The following CEP128 variants were observed in gnomAD, a reference collection of about 807,000 sequenced individuals.
The protein encoded by CEP128 is centrosomal protein 128kDa.
In CEP128, 132 loss-of-function variants were observed where a neutral mutation model predicts 156.7. The ratio of observed to expected loss-of-function variants is 0.84; its 90% CI spans 0.73 to 0.97. The LOEUF is 0.97. Ranked by LOEUF, CEP128 falls within the 50% of genes least tolerant of loss-of-function variation. The probability of loss-of-function intolerance (pLI) is 0.00; values close to 1 mark genes in which losing one functional copy is unlikely to be tolerated. For synonymous variants in CEP128, 469 were observed against 448.9 expected, an observed-to-expected ratio of 1.04 and a Z score of -0.57; for missense variants, 1,252 against 1,281.9, an observed-to-expected ratio of 0.98 and a Z score of 0.36.
At chr14:80,680,351 C>A (rs1007720948) in intron 19 of CEP128, among the ~76,000 whole-genome samples, 1 of 152,082 alleles carries the variant, frequency 6.6e-6, no homozygotes, top group African/African-American at 2.4e-5. Flanking sequence ...TTGGAGCACC[C>A]ACTTGCCTAG....
chr14:80,592,621 A>G (rs1243879362), intron 19 of CEP128, among the ~76,000 whole-genome samples: 2 of 152,216 alleles, frequency 1.3e-5, no homozygotes, highest in Non-Finnish European at 2.9e-5. Flanking sequence ...ACAATAGAAA[A>G]AGAGGGAATC....
At chr14:80,899,386 T>C (rs1226665803) in intron 7 of CEP128, among the ~76,000 whole-genome samples, 2 of 152,202 alleles carry the variant, frequency 1.3e-5, no homozygotes, top group Non-Finnish European at 2.9e-5. Flanking sequence ...CACCTGCCAC[T>C]GGTGATGACA....
intron 23 of CEP128, among the ~76,000 whole-genome samples, chr14:80,525,110 A>C (rs1888919336): frequency 6.6e-6 from 1 of 152,234 alleles, no homozygotes; most frequent in Non-Finnish European, 1.5e-5. Context: ...ATAATGTTTT[A>C]AATGTTTCAT....
chr14:80,915,414 T>C (rs773528579), intron 3 of CEP128, among the ~76,000 whole-genome samples: 15 of 152,238 alleles, frequency 9.9e-5, no homozygotes, highest in Non-Finnish European at 1.8e-4. Flanking sequence ...CCTCTTCTTA[T>C]CTAAGCATAT....
rs1887495311 is a variant in CEP128 at position 80,861,180 on chromosome 14, G to C, written c.762+1577C>G. The stretch of plus-strand genomic sequence containing the variant: ...TCACTATCTGGCACTACTTATAGTA[G>C]TAATTGTTTCATATGAGTCAATAAT... On this transcript the variant is annotated intron_variant, in intron 9 of 24. Coordinates refer to ENST00000555265, the MANE Select transcript of CEP128 (RefSeq NM_152446.5). 2.0e-5 allele frequency among the ~76,000 whole-genome samples: 3 copies of C among 152,068 alleles called. No homozygotes were observed. The South Asian group carries it at 6.2e-4, about 32-fold the overall frequency.
chr14:80,723,890 TAC>T (rs1162775615), intron 19 of CEP128, among the ~76,000 whole-genome samples: 4 of 152,190 alleles, frequency 2.6e-5, no homozygotes, highest in Non-Finnish European at 5.9e-5. Context: ...GCTGAAACCT[TAC>T]ACAGTGTCCT....
intron 16 of CEP128, among the ~76,000 whole-genome samples, chr14:80,775,785 T>G (rs1481824812): frequency 6.6e-6 from 1 of 152,276 alleles, no homozygotes; most frequent in Non-Finnish European, 1.5e-5. Flanking sequence ...TGATAACACA[T>G]GCATCTGAAA....
chr14:80,834,473 A>C (rs1396806186), intron 12 of CEP128, among the ~76,000 whole-genome samples: 1 of 152,218 alleles, frequency 6.6e-6, no homozygotes, highest in Non-Finnish European at 1.5e-5. Flanking sequence ...CCAGCTGAAA[A>C]TATGATAAGT....
At chr14:80,682,415 A>G (rs912358778) in intron 19 of CEP128, among the ~76,000 whole-genome samples, 1 of 152,362 alleles carries the variant, frequency 6.6e-6, no homozygotes, top group African/African-American at 2.4e-5. Flanking sequence ...ATTTTAAAAC[A>G]TGAATTAATT....
chr14:80,508,682 T>A (rs1888101090), intron 23 of CEP128, among the ~76,000 whole-genome samples: 1 of 152,214 alleles, frequency 6.6e-6, no homozygotes, highest in African/African-American at 2.4e-5. Flanking sequence ...TTAAGGCTTT[T>A]AAAAATATCA....
intron 18 of CEP128, among the ~76,000 whole-genome samples, chr14:80,753,277 C>T (rs540667016): frequency 1.3e-5 from 2 of 152,164 alleles, no homozygotes; most frequent in East Asian, 3.9e-4. Flanking sequence ...AGACTAAAGA[C>T]ACAGAAGCAA....
At chr14:80,920,355 A>G (rs1884791033) in intron 2 of CEP128, among the ~76,000 whole-genome samples, 1 of 152,216 alleles carries the variant, frequency 6.6e-6, no homozygotes, top group Non-Finnish European at 1.5e-5. Flanking sequence ...CAAGAGGCTC[A>G]CACCACATAA....
At chr14:80,760,316 ACT>A (rs992201636) in intron 17 of CEP128, among the ~76,000 whole-genome samples, 1 of 152,076 alleles carries the variant, frequency 6.6e-6, no homozygotes, top group Non-Finnish European at 1.5e-5. Flanking sequence ...AATTCCATCA[ACT>A]CTACCAAATT....
intron 4 of CEP128, among the ~76,000 whole-genome samples, chr14:80,907,208 G>A (rs373022846): frequency 6.6e-6 from 1 of 151,906 alleles, no homozygotes; most frequent in Non-Finnish European, 1.5e-5. Context: ...GAAACAATCT[G>A]TATTAAAAGA....
intron 19 of CEP128, among the ~76,000 whole-genome samples, chr14:80,617,274 A>G (rs527903185): frequency 9.0e-6 from 1 of 111,086 alleles, no homozygotes; most frequent in Admixed American, 1.4e-4. Context: ...TCTGTCACCC[A>G]GGCTGGAGTG....
At position 80,836,311 on chromosome 14, in the gene CEP128, C is replaced by G. The variant is rs1674557; in HGVS notation, c.951G>C (p.Thr317=). 3.7e-6 allele frequency: 6 copies of G among 1,613,894 alleles called. No individual in the cohort carries two copies. In the East Asian group the frequency reaches 1.1e-4, roughly 30 times the overall value. The stretch of plus-strand genomic sequence containing the variant: ...AACCCTTTCGATCACCTTCTGCTTT[C>G]GTAAGTTGTGTACGCAGTTCTTCTA... The part of the protein sequence containing the change: ...HQVEELRTQL[T]KAEGDRKGLQ... The change falls in exon 12 of 25, where the codon ACG becomes ACC. Residue 317 remains threonine (T), a synonymous_variant. Coordinates refer to ENST00000555265, the MANE Select transcript of CEP128 (RefSeq NM_152446.5).
chr14:80,598,698 A>G (rs979307136), intron 19 of CEP128, among the ~76,000 whole-genome samples: 57 of 152,362 alleles, frequency 3.7e-4, no homozygotes, highest in African/African-American at 1.2e-3. Flanking sequence ...ATTGGAAGAA[A>G]TAAGTATACC....
chr14:80,838,237 T>A lies in CEP128; in HGVS notation c.891A>T (p.Gln297His). 1 of 1,613,666 alleles carries A rather than the reference T, an allele frequency of 6.2e-7. No individual in the cohort carries two copies. The highest frequency in any genetic ancestry group is 1.1e-5 in the South Asian group (1 of 91,068). Residue 297 changes from glutamine (Q) to histidine (H), a missense_variant, in exon 11 of 25, where the codon CAA becomes CAT. By Grantham distance (24) the Gln-to-His change is conservative. Transcript: ENST00000555265. ...ELELSRRLLN[Q>H]SEGSRETLLH... ...AAAGTGTTTCTCGGCTGCCTTCTGA[T>A]TGATTCAATAACCTTCGAGATAGCT...
In CEP128 at chr14:80,955,780, G is replaced by A. The variant is rs45499704; in HGVS notation, c.-172+2398C>T. ...GTCTCCACCCTGCGAGTGCCATCAG[G>A]AGGAGGACTTCAGAGTCACCTGCAA... On this transcript the variant is annotated intron_variant, in intron 2 of 7. Transcript: ENST00000555529. 443 of 1,614,218 alleles carry A rather than the reference G, an allele frequency of 2.7e-4. 2 individuals carry two copies. Among genetic ancestry groups the A allele is most frequent in the Admixed American group, 4.2e-4 (25 of 60,030 alleles).
Sources: allele counts gnomAD v4.1 joint callset (sites outside exome capture counted in the v4.1 genomes callset), GRCh38; gene constraint gnomAD v4.1.1; transcripts MANE v1.5; gene names NCBI Gene and HGNC (gene_info 2026-07-23, HGNC 2026-07-21).